Variants in SH2D2A observed in about 807,000 individuals in gnomAD.
SH2D2A encodes SH2 domain-containing protein 2A.
A neutral mutation model predicts 43.6 loss-of-function variants in SH2D2A; 33 were observed. The observed-to-expected ratio is 0.76, with a 90% CI of 0.57 to 1.01. SH2D2A has a LOEUF of 1.01. Ranked by LOEUF, SH2D2A falls within the 50% of genes least tolerant of loss-of-function variation. The pLI is 0.00. For missense variants in SH2D2A, 491 were observed against 503.1 expected (o/e 0.98, Z 0.23); for synonymous variants, 212 against 206.1 (o/e 1.03, Z -0.25).
chr1:156,814,134 G>A, intron 4 of SH2D2A, 71 bp downstream of exon 4: 3 of 1,587,542 alleles, frequency 1.9e-6, no homozygotes, highest in Admixed American at 1.7e-5. Context: ...GGCTCCTCAC[G>A]GGATCAGACC....
Position 156,816,004 on chromosome 1 carries a change from A to G in SH2D2A, c.123+2T>C, listed in dbSNP as rs1196103452. Reference sequence around the variant, plus strand: ...ACGCTGCCGCCCCAGGTTTCCACTCACCGCAGTGTAGCCCAGGTTCTGGCA... The same window carrying G: ...ACGCTGCCGCCCCAGGTTTCCACTCGCCGCAGTGTAGCCCAGGTTCTGGCA... On this transcript the variant is annotated splice_donor_variant, in intron 2 of 8. Coordinates refer to ENST00000368199, the MANE Select transcript of SH2D2A (RefSeq NM_003975.4). LOFTEE classifies it high-confidence loss of function. The G allele has an allele frequency of 1.2e-6, 2 of 1,613,490 alleles. No homozygotes were observed. Among genetic ancestry groups the G allele is most frequent in the Admixed American group, 1.7e-5 (1 of 59,954 alleles).
At chr1:156,815,922 T>C (rs1653866038) in intron 2 of SH2D2A, 84 bp downstream of exon 2, 15 of 1,610,032 alleles carry the variant, frequency 9.3e-6, no homozygotes, top group East Asian at 6.7e-5. Context: ...GGAGTGGCCT[T>C]TGTCCATCTG....
intron 5 of SH2D2A, among the ~76,000 whole-genome samples, chr1:156,813,057 A>G (rs958000210): frequency 3.9e-5 from 6 of 152,132 alleles, no homozygotes. Context: ...TTGCTGCTGG[A>G]AAGTAGGCTT....
chr1:156,807,108 G>T lies in SH2D2A; in HGVS notation c.*3+67C>A. 1 of 1,359,922 alleles carries T rather than the reference G, an allele frequency of 7.4e-7. No individual in the cohort carries two copies. 84.2% of individuals were successfully genotyped at this position (1,359,922 alleles called of 1,614,324 possible). A position where few individuals can be genotyped will look rare whatever the true frequency, so the allele number is the denominator to read the frequency against. ...ATTCCATCCACATTTCTTGAGAAGT[G>T]TGCCAGGTGTGTGTGAAGGTCTCTG... On this transcript the variant is annotated intron_variant, in intron 8 of 8. Transcript: ENST00000368199. This position sits in a 1 kb window ranked among gnomAD's most constrained non-coding sequence, Gnocchi z 5.1.
chr1:156,809,564 C>T lies in SH2D2A; in HGVS notation c.715-74G>A. 16 of 1,553,964 alleles carry T rather than the reference C, an allele frequency of 1.0e-5. No individual in the cohort carries two copies. In the South Asian group the frequency reaches 2.0e-4, roughly 19 times the overall value. ...TTAAAGCCCCAGCCTAACTCCCAGC[C>T]TGAGCCTCTGCCCCCGCTAGGCCCC... is the stretch of plus-strand genomic sequence containing the variant. On this transcript the variant is annotated intron_variant, in intron 6 of 8. Coordinates refer to ENST00000368199, the MANE Select transcript of SH2D2A (RefSeq NM_003975.4). This position sits in a 1 kb window ranked among gnomAD's most constrained non-coding sequence, Gnocchi z 4.8.
chr1:156,810,939 T>C (rs1037414708), intron 5 of SH2D2A, among the ~76,000 whole-genome samples: 5 of 152,226 alleles, frequency 3.3e-5, no homozygotes, highest in Non-Finnish European at 7.3e-5. Flanking sequence ...CCATGAATGC[T>C]GTCCCCATGC....
chr1:156,809,108 G>T lies in SH2D2A; in HGVS notation c.1002+95C>A. ...ACCTCACACCTCTGCCCCTTACCCT[G>T]CCCCAGGCATCCACTCTGAACACCT... On this transcript the variant is annotated intron_variant, in intron 7 of 8. Transcript: ENST00000368199. This position sits in a 1 kb window ranked among gnomAD's most constrained non-coding sequence, Gnocchi z 4.8. 7.6e-7 allele frequency: 1 copy of T among 1,312,194 alleles called. No individual in the cohort carries two copies. The highest frequency in any genetic ancestry group is 1.1e-6 in the Non-Finnish European group (1 of 943,402). 81.3% of individuals were successfully genotyped at this position (1,312,194 alleles called of 1,614,324 possible).
In SH2D2A at chr1:156,815,154, C is replaced by T. The variant is rs772134227; in HGVS notation, c.191G>A (p.Gly64Glu). 1.9e-6 allele frequency: 3 copies of T among 1,605,566 alleles called. No homozygotes were observed. In the East Asian group the frequency reaches 6.8e-5, roughly 36 times the overall value. Residue 64 changes from glycine to glutamate, a missense_variant, in exon 3 of 9, where the codon GGA (glycine) becomes GAA (glutamate). Physicochemically the swap from Gly to Glu is moderately conservative, Grantham distance 98. Transcript: ENST00000368199. Reference sequence around the variant, plus strand: ...GGCCTGCAGGAACAGGCTTCCTTCTCCAGGCACCTCCTCTGCCCTCTCAGC... The same window carrying T: ...GGCCTGCAGGAACAGGCTTCCTTCTTCAGGCACCTCCTCTGCCCTCTCAGC... The part of the protein sequence containing the change: ...GNAERAEEVP[G>E]EGSLFLQAET...
chr1:156,806,763 G>A (rs1265985346), intron 8 of SH2D2A, among the ~76,000 whole-genome samples, 190 bp from the exon 9 acceptor site: 1 of 152,214 alleles, frequency 6.6e-6, no homozygotes, highest in Non-Finnish European at 1.5e-5. Context: ...AGGAAGCCTG[G>A]TTCTAGTCCT....
Position 156,816,718 on chromosome 1 carries a change from C to T in SH2D2A, c.-10G>A, listed in dbSNP as rs769259542. 1.3e-6 allele frequency: 2 copies of T among 1,595,276 alleles called. No homozygotes were observed. Among genetic ancestry groups the T allele is most frequent in the Non-Finnish European group, 1.7e-6 (2 of 1,170,368 alleles). ...CCAGGGGGAACTCCATGAGGGCAGC[C>T]TCACAAGGGATCCCAGAGCAGGGTG... On this transcript the variant is annotated 5_prime_UTR_variant, in exon 1 of 9. Transcript: ENST00000368199.
chr1:156,816,231 C>T, intron 1 of SH2D2A, 137 bp from the exon 2 acceptor site: 2 of 1,398,860 alleles, frequency 1.4e-6, no homozygotes, highest in Non-Finnish European at 1.9e-6. Context: ...AGAAGGGCAG[C>T]AGGGGAGTTT....
chr1:156,810,293 CCTT>C (rs2102798319), intron 5 of SH2D2A, among the ~76,000 whole-genome samples: 1 of 152,334 alleles, frequency 6.6e-6, no homozygotes, highest in Non-Finnish European at 1.5e-5. Flanking sequence ...CCCACCTCAG[CCTT>C]CTTGCGTCTT....
At position 156,809,150 on chromosome 1, in the gene SH2D2A, T is replaced by A; in HGVS notation, c.1002+53A>T. 5.2e-6 allele frequency: 8 copies of A among 1,541,082 alleles called. No individual in the cohort carries two copies. Among genetic ancestry groups the A allele is most frequent in the Non-Finnish European group, 7.0e-6 (8 of 1,138,588 alleles). ...TGAACACCTTCTTCACCTTCCCCCA[T>A]CTACCTGCAGGGAGACCTTCTTGCA... is the stretch of plus-strand genomic sequence containing the variant. On this transcript the variant is annotated intron_variant, in intron 7 of 8. Coordinates refer to ENST00000368199, the MANE Select transcript of SH2D2A (RefSeq NM_003975.4). This position sits in a 1 kb window ranked among gnomAD's most constrained non-coding sequence, Gnocchi z 4.8.
rs1234274950 is a variant in SH2D2A, at chr1:156,813,896, G to T, written c.519C>A (p.His173Gln). 6.5e-7 allele frequency: 1 copy of T among 1,543,778 alleles called. No homozygotes were observed. The highest frequency in any genetic ancestry group is 1.2e-5 in the South Asian group (1 of 84,582). ...GCGTCTCCCCGTAGGGGCTGAGCGGGTGCGCGGTGTAGTGCAGCAGCAGGT... is the reference window on the plus strand; with the variant it reads ...GCGTCTCCCCGTAGGGGCTGAGCGGTTGCGCGGTGTAGTGCAGCAGCAGGT... ...LQDLLLHYTA[H>Q]PLSPYGETLT... The change falls in exon 5 of 9, where the codon CAC becomes CAA. Residue 173 changes from histidine to glutamine, a missense_variant. Coordinates refer to ENST00000368199, the MANE Select transcript of SH2D2A (RefSeq NM_003975.4).
At chr1:156,816,154 T>A in intron 1 of SH2D2A, 60 bp from the exon 2 acceptor site, 1 of 1,537,628 alleles carries the variant, frequency 6.5e-7, no homozygotes, top group Non-Finnish European at 8.8e-7. Context: ...TGTCTCTGCC[T>A]CCCACCCCTC....
Position 156,809,345 on chromosome 1 carries a change from A to G in SH2D2A, c.860T>C (p.Ile287Thr), listed in dbSNP as rs1653220826. Residue 287 changes from isoleucine to threonine, a missense_variant, in exon 7 of 9, where the codon ATA becomes ACA. Transcript: ENST00000368199. The surrounding 1 kb of genome is among the most constrained non-coding windows in gnomAD (Gnocchi z 4.8). ...GCCCCGGCCCATGGCATAGAAAGCT[A>G]TGGGTTCATCAGGCTCATTGTAGAT... ...NPIYNEPDEPIAFYAMGRGSP... is the reference protein window; with the variant it reads ...NPIYNEPDEPTAFYAMGRGSP... The G allele has an allele frequency of 3.1e-6, 5 of 1,614,010 alleles. No homozygotes were observed. The South Asian group carries it at 5.5e-5, about 18-fold the overall frequency.
chr1:156,815,324 C>T, intron 2 of SH2D2A, 103 bp from the exon 3 acceptor site: 5 of 905,098 alleles, frequency 5.5e-6, no homozygotes, highest in Non-Finnish European at 8.1e-6. Context: ...CCCAGCCTCT[C>T]CTGTCTATTT....
At chr1:156,815,594 G>T in intron 2 of SH2D2A, 1 of 635,850 alleles carries the variant, frequency 1.6e-6, no homozygotes. Context: ...GCCAGAATGA[G>T]GGAGGGCTTA....
chr1:156,816,158 A>C (rs1571630129), intron 1 of SH2D2A, 64 bp from the exon 2 acceptor site: 1 of 1,525,518 alleles, frequency 6.6e-7, no homozygotes, highest in Non-Finnish European at 8.8e-7. Flanking sequence ...TCTGCCTCCC[A>C]CCCCTCCTCC....
Sources: allele counts gnomAD v4.1 joint callset (sites outside exome capture counted in the v4.1 genomes callset), GRCh38; gene constraint gnomAD v4.1.1; non-coding constraint Gnocchi (gnomAD v3.1); transcripts MANE v1.5; gene names NCBI Gene and HGNC (gene_info 2026-07-23, HGNC 2026-07-21).